The following NIT2 variants were observed in gnomAD, a reference collection of about 807,000 sequenced individuals.
NIT2 encodes omega-amidase NIT2.
NIT2 carries 46 observed loss-of-function variants against 42.7 expected under a neutral mutation model. That is an observed-to-expected ratio of 1.08 (90% CI 0.85 to 1.38). The LOEUF is 1.38. Ranked by LOEUF, NIT2 falls within the 40% of genes most tolerant of loss-of-function variation. NIT2 has a pLI of 0.00. For missense variants in NIT2, 309 were observed against 342.5 expected (o/e 0.90, Z 0.77); for synonymous variants, 123 against 121.9 (o/e 1.01, Z -0.06).
At chr3:100,342,157 G>C (rs1468828980) in intron 4 of NIT2, among the ~76,000 whole-genome samples, 1 of 151,818 alleles carries the variant, frequency 6.6e-6, no homozygotes, top group East Asian at 1.9e-4. Flanking sequence ...CTTGAATTCT[G>C]CTTTATCTCT....
intron 4 of NIT2, among the ~76,000 whole-genome samples, chr3:100,342,622 A>G (rs1706168847): frequency 1.3e-5 from 2 of 151,950 alleles, no homozygotes; most frequent in Non-Finnish European, 2.9e-5. Flanking sequence ...TGTGAAATTT[A>G]AGAACCTTAT....
rs543155492 is a variant in NIT2 at position 100,348,892 on chromosome 3, A to T, written c.584+11A>T. 6.2e-7 allele frequency: 1 copy of T among 1,612,002 alleles called. No individual in the cohort carries two copies. Among genetic ancestry groups the T allele is most frequent in the African/African-American group, 1.3e-5 (1 of 74,978 alleles). On this transcript the variant is annotated intron_variant, in intron 7 of 9. Transcript: ENST00000394140. ...ACTTCAGCGAAGCCGGTAAGAAAGG[A>T]ACCATATATTCAAGCCTCTCGGCAT...
intron 6 of NIT2, among the ~76,000 whole-genome samples, chr3:100,347,503 C>T (rs1706229302): frequency 6.6e-6 from 1 of 152,178 alleles, no homozygotes; most frequent in Admixed American, 6.5e-5. Flanking sequence ...GATCATGGCT[C>T]ACTGAAGCCT....
At chr3:100,347,401 T>C (rs991579017) in intron 6 of NIT2, among the ~76,000 whole-genome samples, 1 of 152,150 alleles carries the variant, frequency 6.6e-6, no homozygotes, top group African/African-American at 2.4e-5. Context: ...CAGCCAGAGC[T>C]GAGAGAAATT....
rs1338220645 is a variant in NIT2 at position 100,357,780 on chromosome 3, T to C, written c.*2512T>C. On this transcript the variant is annotated 3_prime_UTR_variant, in exon 10 of 10. Coordinates refer to ENST00000394140, the MANE Select transcript of NIT2 (RefSeq NM_020202.5). The stretch of plus-strand genomic sequence containing the variant: ...TCAGCCTCCTAAAAGTAGCTGAGAC[T>C]ACAGGCACGTGCCACCATGCCTGGC... The C allele has an allele frequency of 6.6e-6, 1 of 151,880 alleles. No individual in the cohort carries two copies. The highest frequency in any genetic ancestry group is 1.5e-5 in the Non-Finnish European group (1 of 68,014). 9.4% of individuals were successfully genotyped at this position (151,880 alleles called of 1,614,324 possible). A position where few individuals can be genotyped will look rare whatever the true frequency, so the allele number is the denominator to read the frequency against.
chr3:100,352,387 C>G lies in NIT2; in HGVS notation c.585-17C>G, dbSNP rs765826313. 14 of 1,593,612 alleles carry G rather than the reference C, an allele frequency of 8.8e-6. No homozygotes were observed. The Admixed American group carries it at 1.5e-4, about 17-fold the overall frequency. Reference sequence around the variant, plus strand: ...TTATAATGTACGATTTACCTCTTTCCTGTCTATTGACTACAGGGCTGTTGA... The same window carrying G: ...TTATAATGTACGATTTACCTCTTTCGTGTCTATTGACTACAGGGCTGTTGA... On this transcript the variant is annotated splice_polypyrimidine_tract_variant and intron_variant, in intron 7 of 9. Transcript: ENST00000394140.
In NIT2 at chr3:100,356,040, A is replaced by G. The variant is rs1377049847; in HGVS notation, c.*772A>G. 3.3e-5 allele frequency: 5 copies of G among 152,232 alleles called. No homozygotes were observed. The highest frequency in any genetic ancestry group is 7.3e-5 in the Non-Finnish European group (5 of 68,048). The allele number at this position is 152,232 out of a possible 1,614,324, so 9.4% of individuals were successfully genotyped here. On this transcript the variant is annotated 3_prime_UTR_variant, in exon 10 of 10. Transcript: ENST00000394140. Reference sequence around the variant, plus strand: ...AATCACTGAACCTAGTAGTTCTTAGACAGCTTGGTTTGAGAATCCTTTTGC... The same window carrying G: ...AATCACTGAACCTAGTAGTTCTTAGGCAGCTTGGTTTGAGAATCCTTTTGC...
intron 6 of NIT2, among the ~76,000 whole-genome samples, chr3:100,347,638 C>T (rs1382681415): frequency 6.6e-6 from 1 of 152,118 alleles, no homozygotes; most frequent in Non-Finnish European, 1.5e-5. Flanking sequence ...CTATGTCGCC[C>T]AGGCTTTCCG....
chr3:100,341,061 TC>T lies in NIT2; in HGVS notation c.248-11del. On this transcript the variant is annotated splice_polypyrimidine_tract_variant and intron_variant, in intron 3 of 9. Coordinates refer to ENST00000394140, the MANE Select transcript of NIT2 (RefSeq NM_020202.5). ...TCTTTTTCTTATGGTATGTTTCTTC[TC>T]TCAATGAAAGGCTCTATCCCTGAAG... 6.3e-7 allele frequency: 1 copy of T among 1,582,374 alleles called. No homozygotes were observed. The highest frequency in any genetic ancestry group is 8.7e-7 in the Non-Finnish European group (1 of 1,151,194).
In NIT2 at chr3:100,356,603, A is replaced by G. The variant is rs1706327332; in HGVS notation, c.*1335A>G. 6.6e-6 allele frequency: 1 copy of G among 152,226 alleles called. No individual in the cohort carries two copies. Among genetic ancestry groups the G allele is most frequent in the South Asian group, 2.1e-4 (1 of 4,832 alleles). 9.4% of individuals were successfully genotyped at this position (152,226 alleles called of 1,614,324 possible). A position where few individuals can be genotyped will look rare whatever the true frequency, so the allele number is the denominator to read the frequency against. ...GAAAACAACACTGTGTACTGAGAAC[A>G]AGAGAAAGACAAATGACTTTTTTAA... On this transcript the variant is annotated 3_prime_UTR_variant, in exon 10 of 10. Coordinates refer to ENST00000394140, the MANE Select transcript of NIT2 (RefSeq NM_020202.5).
At chr3:100,340,905 C>T (rs562299809) in intron 3 of NIT2, among the ~76,000 whole-genome samples, 168 bp from the exon 4 acceptor site, 11 of 152,044 alleles carry the variant, frequency 7.2e-5, no homozygotes, top group Non-Finnish European at 1.3e-4. Context: ...AATACTTATT[C>T]TGTATTATAG....
Position 100,360,712 on chromosome 3 carries a change from A to G in NIT2, c.*5444A>G, listed in dbSNP as rs767071495. ...CTGAAAAACTAAGCTTGAGATGCAT[A>G]AAAGAACACATAGAGATGGGGAGTC... On this transcript the variant is annotated 3_prime_UTR_variant, in exon 10 of 10. Transcript: ENST00000394140. 3.9e-5 allele frequency: 6 copies of G among 152,234 alleles called. No homozygotes were observed. The highest frequency in any genetic ancestry group is 8.8e-5 in the Non-Finnish European group (6 of 68,054). 9.4% of individuals were successfully genotyped at this position (152,234 alleles called of 1,614,324 possible).
At chr3:100,337,150 C>G (rs981612234) in intron 1 of NIT2, among the ~76,000 whole-genome samples, 1 of 152,114 alleles carries the variant, frequency 6.6e-6, no homozygotes, top group Non-Finnish European at 1.5e-5. Context: ...TCAGAGAGCT[C>G]GGGGTTGGGA....
chr3:100,341,049 G>A, intron 3 of NIT2, 24 bp from the exon 4 acceptor site: 1 of 1,493,728 alleles, frequency 6.7e-7, no homozygotes, highest in East Asian at 2.3e-5. Flanking sequence ...TTTTCTTATG[G>A]TATGTTTCTT....
At position 100,355,997 on chromosome 3, in the gene NIT2, C is replaced by CT. The variant is rs1706322025; in HGVS notation, c.*730dup. The CT allele has an allele frequency of 6.6e-6, 1 of 152,182 alleles. No homozygotes were observed. The highest frequency in any genetic ancestry group is 1.5e-5 in the Non-Finnish European group (1 of 68,024). 9.4% of individuals were successfully genotyped at this position (152,182 alleles called of 1,614,324 possible). On this transcript the variant is annotated 3_prime_UTR_variant, in exon 10 of 10. Transcript: ENST00000394140. ...TTTTCTTTTTCCCCAGTAACACTTT[C>CT]TAGCTCCACGGATAAGGAATCACTG... is the stretch of plus-strand genomic sequence containing the variant.
At position 100,357,357 on chromosome 3, in the gene NIT2, T is replaced by G. The variant is rs1356640734; in HGVS notation, c.*2089T>G. The G allele has an allele frequency of 6.6e-6, 1 of 152,170 alleles. No homozygotes were observed. Among genetic ancestry groups the G allele is most frequent in the Non-Finnish European group, 1.5e-5 (1 of 68,028 alleles). The allele number at this position is 152,170 out of a possible 1,614,324, so 9.4% of individuals were successfully genotyped here. A position where few individuals can be genotyped will look rare whatever the true frequency, so the allele number is the denominator to read the frequency against. ...TACTCAATCTCATGACAGATTACATTTTCTTTTTTAAATAGAAAGTCTTAC... is the reference window on the plus strand; with the variant it reads ...TACTCAATCTCATGACAGATTACATGTTCTTTTTTAAATAGAAAGTCTTAC... On this transcript the variant is annotated 3_prime_UTR_variant, in exon 10 of 10. Transcript: ENST00000394140.
intron 9 of NIT2, 125 bp downstream of exon 9, chr3:100,354,952 G>GGCATTGATT: frequency 1.2e-6 from 1 of 853,250 alleles, no homozygotes; most frequent in Non-Finnish European, 1.9e-6. Flanking sequence ...TGATCTCTGG[G>GGCATTGATT]GATATTCTAG....
rs1172810733 is a variant in NIT2 at position 100,359,572 on chromosome 3, TCAA to T, written c.*4307_*4309del. The stretch of plus-strand genomic sequence containing the variant: ...TGTAGACCTGTCCATGTGGCCTCTC[TCAA>T]CACCATTGGTGTGACCTTGCTCATA... On this transcript the variant is annotated 3_prime_UTR_variant, in exon 10 of 10. Transcript: ENST00000394140. 2.0e-5 allele frequency: 3 copies of T among 152,142 alleles called. No individual in the cohort carries two copies. In the South Asian group the frequency reaches 6.2e-4, roughly 32 times the overall value. The allele number at this position is 152,142 out of a possible 1,614,324, so 9.4% of individuals were successfully genotyped here. A position where few individuals can be genotyped will look rare whatever the true frequency, so the allele number is the denominator to read the frequency against.
chr3:100,354,321 C>G (rs1706303213), intron 8 of NIT2, among the ~76,000 whole-genome samples: 1 of 152,232 alleles, frequency 6.6e-6, no homozygotes, highest in Non-Finnish European at 1.5e-5. Context: ...CCCAGCTTCA[C>G]CACTCTCAGG....
Sources: allele counts gnomAD v4.1 joint callset (sites outside exome capture counted in the v4.1 genomes callset), GRCh38; gene constraint gnomAD v4.1.1; transcripts MANE v1.5; gene names NCBI Gene and HGNC (gene_info 2026-07-23, HGNC 2026-07-21).